The following ITFG1 variants were observed in gnomAD, a reference collection of about 807,000 sequenced individuals.
ITFG1 encodes T-cell immunomodulatory protein.
A neutral mutation model predicts 81.8 loss-of-function variants in ITFG1; 34 were observed. The ratio of observed to expected loss-of-function variants is 0.42; its 90% CI spans 0.32 to 0.55. ITFG1 has a LOEUF of 0.55. ITFG1 is among the 20% of genes least tolerant of loss of function. ITFG1 has a pLI of 0.17. For synonymous variants in ITFG1, 285 were observed against 270.6 expected, an observed-to-expected ratio of 1.05 and a Z score of -0.52; for missense variants, 672 against 755.4, an observed-to-expected ratio of 0.89 and a Z score of 1.29.
intron 6 of ITFG1, among the ~76,000 whole-genome samples, chr16:47,419,184 T>C (rs990942509): frequency 7.2e-5 from 11 of 152,214 alleles, no homozygotes; most frequent in Admixed American, 1.3e-4. Context: ...AGTCTGTCTA[T>C]GTTGTCCAAG....
At chr16:47,384,186 G>A (rs879299293) in intron 6 of ITFG1, among the ~76,000 whole-genome samples, 7 of 152,178 alleles carry the variant, frequency 4.6e-5, no homozygotes, top group Admixed American at 1.3e-4. Flanking sequence ...CAAGAGTTAT[G>A]AGAAGTTGCT....
At chr16:47,366,308 A>G (rs901317907) in intron 7 of ITFG1, among the ~76,000 whole-genome samples, 2 of 152,222 alleles carry the variant, frequency 1.3e-5, no homozygotes, top group African/African-American at 4.8e-5. Flanking sequence ...GCAGATTTTA[A>G]GGGAAGAAGA....
intron 10 of ITFG1, among the ~76,000 whole-genome samples, chr16:47,264,611 T>C (rs568792075): frequency 6.6e-6 from 1 of 151,102 alleles, no homozygotes; most frequent in Non-Finnish European, 1.5e-5. Flanking sequence ...GAGAAAATTT[T>C]TCTTTGGGAA....
chr16:47,396,178 G>T lies in ITFG1; in HGVS notation c.656-20238C>A, dbSNP rs1968590627. 3 of 985,034 alleles carry T rather than the reference G, an allele frequency of 3.0e-6. No homozygotes were observed. The African/African-American group carries it at 5.2e-5, about 17-fold the overall frequency. The allele number at this position is 985,034 out of a possible 1,614,324, so 61.0% of individuals were successfully genotyped here. On this transcript the variant is annotated intron_variant, in intron 6 of 17. Transcript: ENST00000320640. ...GAGAGATAAGTCTACATTTGCCTCT[G>T]AAGAAAAGTTAATCGGCTGCAACTC... is the stretch of plus-strand genomic sequence containing the variant.
At chr16:47,383,618 A>T (rs1464586384) in intron 6 of ITFG1, among the ~76,000 whole-genome samples, 1 of 152,244 alleles carries the variant, frequency 6.6e-6, no homozygotes, top group Non-Finnish European at 1.5e-5. Flanking sequence ...CCAAATGAAA[A>T]GACTGGGCCG....
chr16:47,310,806 C>T (rs1967246301), intron 10 of ITFG1, among the ~76,000 whole-genome samples: 2 of 152,140 alleles, frequency 1.3e-5, no homozygotes, highest in Non-Finnish European at 2.9e-5. Flanking sequence ...ACAATTATTA[C>T]ACTTATTTCA....
chr16:47,430,722 T>C (rs556115183), intron 5 of ITFG1, among the ~76,000 whole-genome samples: 1 of 152,198 alleles, frequency 6.6e-6, no homozygotes, highest in Non-Finnish European at 1.5e-5. Context: ...TAACTCAGAA[T>C]GGATGAAAGA....
intron 8 of ITFG1, among the ~76,000 whole-genome samples, chr16:47,330,280 T>C (rs1324879956): frequency 6.6e-6 from 1 of 151,902 alleles, no homozygotes. Flanking sequence ...TCTTACCATA[T>C]ATAAAAAAGA....
chr16:47,218,160 A>T (rs1456831838), intron 14 of ITFG1: 1 of 152,126 alleles, frequency 6.6e-6, no homozygotes, highest in East Asian at 1.9e-4. Context: ...TTTTGGCCAA[A>T]AAAATAGAGG....
intron 14 of ITFG1, among the ~76,000 whole-genome samples, chr16:47,198,836 T>C (rs1965388287): frequency 6.6e-6 from 1 of 152,198 alleles, no homozygotes; most frequent in Admixed American, 6.5e-5. Flanking sequence ...AAAAAAATTT[T>C]TGTACACCTG....
chr16:47,385,328 C>A (rs1427829514), intron 6 of ITFG1, among the ~76,000 whole-genome samples: 2 of 152,160 alleles, frequency 1.3e-5, no homozygotes, highest in Admixed American at 6.5e-5. Context: ...GTAAAATACA[C>A]ACTAAATACA....
chr16:47,420,491 T>G (rs768943636), intron 6 of ITFG1, among the ~76,000 whole-genome samples: 9 of 152,198 alleles, frequency 5.9e-5, no homozygotes, highest in Non-Finnish European at 1.2e-4. Flanking sequence ...AGAAAGCACG[T>G]TGACATCTGA....
At chr16:47,304,297 C>T (rs1479607290) in intron 10 of ITFG1, among the ~76,000 whole-genome samples, 1 of 152,046 alleles carries the variant, frequency 6.6e-6, no homozygotes, top group Non-Finnish European at 1.5e-5. Flanking sequence ...AATGGTATTT[C>T]AATCTTCAGA....
At chr16:47,357,129 G>T (rs1275888362) in intron 8 of ITFG1, among the ~76,000 whole-genome samples, 4 of 151,912 alleles carry the variant, frequency 2.6e-5, no homozygotes, top group African/African-American at 9.7e-5. Context: ...ATTAACTAGG[G>T]TAGGCTTAGA....
intron 14 of ITFG1, among the ~76,000 whole-genome samples, chr16:47,171,119 A>C (rs1228929455): frequency 1.4e-5 from 2 of 148,026 alleles, no homozygotes; most frequent in Admixed American, 1.4e-4. Context: ...GCAGCCTTGA[A>C]CTCCTGGGCT....
At chr16:47,375,044 A>G (rs1263474745) in intron 7 of ITFG1, among the ~76,000 whole-genome samples, 1 of 152,228 alleles carries the variant, frequency 6.6e-6, no homozygotes, top group East Asian at 1.9e-4. Context: ...ATAAAATACA[A>G]TCAGGAGTTG....
intron 14 of ITFG1, among the ~76,000 whole-genome samples, chr16:47,203,431 T>C (rs1462362672): frequency 6.6e-6 from 1 of 152,160 alleles, no homozygotes; most frequent in Admixed American, 6.5e-5. Flanking sequence ...ATTATTACAT[T>C]GTAACATGTA....
intron 14 of ITFG1, among the ~76,000 whole-genome samples, chr16:47,181,676 G>T (rs1327715109): frequency 1.3e-5 from 2 of 152,168 alleles, no homozygotes; most frequent in African/African-American, 2.4e-5. Flanking sequence ...CCCCATCTGG[G>T]AGGTGTACCC....
intron 14 of ITFG1, chr16:47,196,257 C>T (rs1965356272): frequency 6.6e-6 from 1 of 151,266 alleles, no homozygotes; most frequent in African/African-American, 2.4e-5. Context: ...CAACCCGAAC[C>T]TGTGGTTTGG....
Sources: gnomAD v4.1 joint callset for allele counts (sites outside exome capture counted in the v4.1 genomes callset) on GRCh38, gnomAD v4.1.1 for gene constraint, MANE v1.5 for transcripts, NCBI Gene and HGNC (gene_info 2026-07-23, HGNC 2026-07-21) for gene names.